The following RAB3B variants were observed in gnomAD, a reference collection of about 807,000 sequenced individuals.
RAB3B encodes RAB3B, member RAS oncogene family.
Under a neutral mutation model 20.5 loss-of-function variants are expected in RAB3B, and 11 were observed. That is an observed-to-expected ratio of 0.54 (90% CI 0.34 to 0.89). The LOEUF (loss-of-function observed/expected upper bound fraction) is 0.89. RAB3B is among the 40% of genes least tolerant of loss of function. The pLI is 0.02. For missense variants in RAB3B, 225 were observed against 280.9 expected, an observed-to-expected ratio of 0.80 and a Z score of 1.42; for synonymous variants, 99 against 106.3, an observed-to-expected ratio of 0.93 and a Z score of 0.42.
At chr1:51,954,214 A>G (rs1287589990) in intron 2 of RAB3B, among the ~76,000 whole-genome samples, 1 of 152,214 alleles carries the variant, frequency 6.6e-6, no homozygotes, top group Non-Finnish European at 1.5e-5. Flanking sequence ...GAATGAATGG[A>G]TATGGTTCAT....
Position 51,908,355 on chromosome 1 carries a change from C to T in RAB3B, c.*11572G>A, listed in dbSNP as rs984421487. 3.9e-5 allele frequency: 6 copies of T among 152,112 alleles called. No individual in the cohort carries two copies. The highest frequency in any genetic ancestry group is 1.3e-4 in the Admixed American group (2 of 15,248). The allele number at this position is 152,112 out of a possible 1,614,324, so 9.4% of individuals were successfully genotyped here. On this transcript the variant is annotated 3_prime_UTR_variant, in exon 5 of 5. Coordinates refer to ENST00000371655, the MANE Select transcript of RAB3B (RefSeq NM_002867.4). The stretch of plus-strand genomic sequence containing the variant: ...TTCCTCCTGAGGAATTCTGCTCATA[C>T]TGCTATGGTACATCTCCTAGGTTGG...
chr1:51,931,646 C>T lies in RAB3B; in HGVS notation c.472+1672G>A, dbSNP rs116410861. Among the ~76,000 whole-genome samples, 943 of 152,230 alleles carry T rather than the reference C, an allele frequency of 6.2e-3. 27 individuals are homozygous for T. In the South Asian group the frequency reaches 0.093, roughly 15 times the overall value. Reference sequence around the variant, plus strand: ...TCATTTCCTGTCTGCAGGGAACTTTCGGGAGACAGACAAGTAAATGAGTGC... The same window carrying T: ...TCATTTCCTGTCTGCAGGGAACTTTTGGGAGACAGACAAGTAAATGAGTGC... On this transcript the variant is annotated intron_variant, in intron 4 of 4. Transcript: ENST00000371655.
Position 51,927,005 on chromosome 1 carries a change from G to C in RAB3B, c.472+6313C>G, listed in dbSNP as rs2842587. 2.0e-5 allele frequency among the ~76,000 whole-genome samples: 3 copies of C among 152,214 alleles called. No individual in the cohort carries two copies. In the South Asian group the frequency reaches 6.2e-4, roughly 32 times the overall value. ...GATGATAATGCAGCCTTCTGTGCTA[G>C]AAGTGACAACAAAGGTCACAAGAGG... On this transcript the variant is annotated intron_variant, in intron 4 of 4. Coordinates refer to ENST00000371655, the MANE Select transcript of RAB3B (RefSeq NM_002867.4).
At position 51,917,320 on chromosome 1, in the gene RAB3B, AAG is replaced by A. The variant is rs2124223912; in HGVS notation, c.*2605_*2606del. The A allele has an allele frequency of 6.6e-6, 1 of 152,288 alleles. No individual in the cohort carries two copies. Among genetic ancestry groups the A allele is most frequent in the South Asian group, 2.1e-4 (1 of 4,826 alleles). The allele number at this position is 152,288 out of a possible 1,614,324, so 9.4% of individuals were successfully genotyped here. On this transcript the variant is annotated 3_prime_UTR_variant, in exon 5 of 5. Coordinates refer to ENST00000371655, the MANE Select transcript of RAB3B (RefSeq NM_002867.4). ...AACTGAAATGGTGAAGGTGAAAAAA[AAG>A]AGACACCGAGTTATTAGTGCCAAAA...
At chr1:51,946,965 C>A (rs566544757) in intron 2 of RAB3B, among the ~76,000 whole-genome samples, 41 of 152,226 alleles carry the variant, frequency 2.7e-4, no homozygotes, top group Middle Eastern at 6.8e-3. Flanking sequence ...TCCAGGATGC[C>A]GTTTACGTCA....
chr1:51,981,791 A>G lies in RAB3B; in HGVS notation c.1-4674T>C, dbSNP rs112628478. The stretch of plus-strand genomic sequence containing the variant: ...ATAGTAGCCATGGTAACATTGTAGC[A>G]CAACACATTACTCACATATTTGTGT... On this transcript the variant is annotated intron_variant, in intron 1 of 4. Transcript: ENST00000371655. 2.3e-3 allele frequency among the ~76,000 whole-genome samples: 346 copies of G among 152,306 alleles called. 1 individual carries two copies. The highest frequency in any genetic ancestry group is 8.1e-3 in the African/African-American group (337 of 41,566).
At chr1:51,984,821 C>A (rs776217359) in intron 1 of RAB3B, among the ~76,000 whole-genome samples, 7 of 152,092 alleles carry the variant, frequency 4.6e-5, no homozygotes, top group Non-Finnish European at 1.0e-4. Flanking sequence ...AATTTCATAT[C>A]CTTTATCTTC....
intron 2 of RAB3B, among the ~76,000 whole-genome samples, chr1:51,945,604 T>C (rs896660375): frequency 6.6e-6 from 1 of 152,232 alleles, no homozygotes; most frequent in Non-Finnish European, 1.5e-5. Flanking sequence ...TCCTGCTGTG[T>C]AGTAAATACC....
In RAB3B at chr1:51,968,943, T is replaced by G. The variant is rs1278444476; in HGVS notation, c.228+7947A>C. On this transcript the variant is annotated intron_variant, in intron 2 of 4. Transcript: ENST00000371655. Reference sequence around the variant, plus strand: ...CTCTTGTTTGTCCCATTGTTTGTCATTCTGTCTAACCCTCCTTTGGAACCC... The same window carrying G: ...CTCTTGTTTGTCCCATTGTTTGTCAGTCTGTCTAACCCTCCTTTGGAACCC... Among the ~76,000 whole-genome samples the G allele has an allele frequency of 2.0e-5, 3 of 152,222 alleles. No individual in the cohort carries two copies. In the East Asian group the frequency reaches 5.8e-4, roughly 29 times the overall value.
At chr1:51,976,798 C>T (rs1051810713) in intron 2 of RAB3B, 92 bp downstream of exon 2, 30 of 1,135,472 alleles carry the variant, frequency 2.6e-5, no homozygotes, top group Non-Finnish European at 3.6e-5. Context: ...CTGTAAGGCC[C>T]AGAAGTTCCA....
At chr1:51,984,200 G>A (rs1291259048) in intron 1 of RAB3B, among the ~76,000 whole-genome samples, 1 of 138,022 alleles carries the variant, frequency 7.2e-6, no homozygotes, top group Non-Finnish European at 1.5e-5. Flanking sequence ...GCAGGCGGAG[G>A]TTACAGTGAG....
At chr1:51,958,601 T>A (rs1234492575) in intron 2 of RAB3B, among the ~76,000 whole-genome samples, 1 of 152,050 alleles carries the variant, frequency 6.6e-6, no homozygotes, top group Non-Finnish European at 1.5e-5. Flanking sequence ...CGCATGCCTG[T>A]AATCCCAGTT....
At chr1:51,986,470 G>A (rs138725092) in intron 1 of RAB3B, among the ~76,000 whole-genome samples, 3 of 152,170 alleles carry the variant, frequency 2.0e-5, no homozygotes, top group East Asian at 1.9e-4. Flanking sequence ...TAAATTAGTC[G>A]GATGTGGTGG....
chr1:51,946,675 A>T (rs1292013168), intron 2 of RAB3B, among the ~76,000 whole-genome samples: 2 of 152,220 alleles, frequency 1.3e-5, no homozygotes, highest in South Asian at 2.1e-4. Context: ...CTGAACACCC[A>T]CTATGTTCTG....
intron 1 of RAB3B, among the ~76,000 whole-genome samples, chr1:51,982,756 T>A (rs142702829): frequency 0.018 from 2,667 of 151,244 alleles, 87 homozygotes; most frequent in East Asian, 0.13. Flanking sequence ...CTCAAAAAAA[T>A]AATAATAATA....
chr1:51,934,317 C>A (rs1003131921), intron 3 of RAB3B, among the ~76,000 whole-genome samples: 6 of 152,094 alleles, frequency 3.9e-5, no homozygotes, highest in South Asian at 2.1e-4. Context: ...TCCCACAACA[C>A]CTTGAGGGGA....
chr1:51,947,713 T>C (rs1234385687), intron 2 of RAB3B, among the ~76,000 whole-genome samples: 3 of 152,170 alleles, frequency 2.0e-5, no homozygotes, highest in Non-Finnish European at 4.4e-5. Flanking sequence ...TATATCTCTG[T>C]TCATGCTACT....
At chr1:51,984,385 TTC>T (rs2124320602) in intron 1 of RAB3B, among the ~76,000 whole-genome samples, 1 of 146,294 alleles carries the variant, frequency 6.8e-6, no homozygotes, top group Non-Finnish European at 1.5e-5. Flanking sequence ...ATAAGACCAA[TTC>T]TTTTTTTTTT....
chr1:51,956,708 A>G (rs558775607), intron 2 of RAB3B, among the ~76,000 whole-genome samples: 2 of 152,222 alleles, frequency 1.3e-5, no homozygotes, highest in East Asian at 3.9e-4. Context: ...ATTCAGCTCA[A>G]ATGCTTCCTC....
Sources: allele counts gnomAD v4.1 joint callset (sites outside exome capture counted in the v4.1 genomes callset), GRCh38; gene constraint gnomAD v4.1.1; transcripts MANE v1.5; gene names NCBI Gene and HGNC (gene_info 2026-07-23, HGNC 2026-07-21).